Variants in ALDH9A1 observed in about 807,000 individuals in gnomAD.
ALDH9A1 encodes 4-trimethylaminobutyraldehyde dehydrogenase.
Under a neutral mutation model 56.6 loss-of-function variants are expected in ALDH9A1, and 42 were observed. The observed-to-expected ratio is 0.74, with a 90% confidence interval of 0.58 to 0.96. The LOEUF (loss-of-function observed/expected upper bound fraction) is 0.96. ALDH9A1 is among the 40% of genes least tolerant of loss of function. ALDH9A1 has a pLI of 0.00. For synonymous variants in ALDH9A1, 242 were observed against 236.0 expected (o/e 1.03, Z -0.23); for missense variants, 661 against 651.5 (o/e 1.01, Z -0.16).
chr1:165,679,299 C>T, intron 6 of ALDH9A1, 143 bp downstream of exon 6: 1 of 891,586 alleles, frequency 1.1e-6, no homozygotes, highest in Non-Finnish European at 1.7e-6. Flanking sequence ...AAATCTGGTT[C>T]AAAGGTACAT....
intron 8 of ALDH9A1, among the ~76,000 whole-genome samples, chr1:165,667,900 A>G (rs1649057004): frequency 6.6e-6 from 1 of 152,182 alleles, no homozygotes; most frequent in African/African-American, 2.4e-5. Flanking sequence ...TTCAACCTAC[A>G]TATAATTGTT....
rs747782664 is a variant in ALDH9A1, at chr1:165,680,564, C to A, written c.712G>T (p.Ala238Ser). The A allele has an allele frequency of 6.2e-7, 1 of 1,614,182 alleles. No homozygotes were observed. Residue 238 changes from alanine to serine, a missense_variant, in exon 5 of 11, where the codon GCC (alanine) becomes TCC (serine). By Grantham distance (99) the Ala-to-Ser change is moderately conservative. Coordinates refer to ENST00000354775, the MANE Select transcript of ALDH9A1 (RefSeq NM_000696.4). ...GLFNVVQGGA[A>S]TGQFLCQHPD... is the part of the protein sequence containing the mutation. The stretch of plus-strand genomic sequence containing the variant: ...TGCTGACACAGAAACTGGCCTGTGG[C>A]AGCCCCTCCCTGCACCACATTGAAG...
intron 6 of ALDH9A1, among the ~76,000 whole-genome samples, chr1:165,678,492 TAGA>T (rs1553243436): frequency 6.6e-6 from 1 of 152,064 alleles, no homozygotes; most frequent in Non-Finnish European, 1.5e-5. Context: ...TTTCTTACAG[TAGA>T]AGGTGAACAA....
At chr1:165,686,515 T>C (rs1649713218) in intron 2 of ALDH9A1, among the ~76,000 whole-genome samples, 1 of 106,440 alleles carries the variant, frequency 9.4e-6, no homozygotes, top group Non-Finnish European at 1.9e-5. Flanking sequence ...ATGTTTTTTT[T>C]TTTAAAAAAA....
chr1:165,665,113 T>A lies in ALDH9A1; in HGVS notation c.1367A>T (p.His456Leu), dbSNP rs1179217230. Residue 456 changes from histidine (H) to leucine (L), a missense_variant, in exon 10 of 11, where the codon CAT becomes CTT. Transcript: ENST00000354775. The part of the protein sequence containing the change: ...GVFTRDIQRA[H>L]RVVAELQAGT... ...AGCCTGAAGCTCAGCTACCACTCTA[T>A]GAGCCCGTTGGATGTCCCTATGAAG... The A allele has an allele frequency of 1.9e-6, 3 of 1,613,602 alleles. No individual in the cohort carries two copies. The highest frequency in any genetic ancestry group is 2.5e-6 in the Non-Finnish European group (3 of 1,179,822).
At chr1:165,692,234 G>GA (rs1047497739) in intron 2 of ALDH9A1, among the ~76,000 whole-genome samples, 3 of 152,104 alleles carry the variant, frequency 2.0e-5, no homozygotes, top group Non-Finnish European at 4.4e-5. Context: ...TCAGGCAGGA[G>GA]AAAAAAATAA....
intron 2 of ALDH9A1, among the ~76,000 whole-genome samples, chr1:165,689,601 C>A (rs1369805013): frequency 6.6e-6 from 1 of 152,180 alleles, no homozygotes; most frequent in African/African-American, 2.4e-5. Context: ...TGGTTCTCAT[C>A]CCATCCCCTC....
rs1050923147 is a variant in ALDH9A1, at chr1:165,695,284, G to A, written c.295C>T (p.Arg99Ter). The change falls in exon 2 of 11, where the codon CGA (arginine) becomes TGA (stop). Residue 99 changes from arginine (R) to a stop codon, truncating the protein, a stop_gained. Transcript: ENST00000354775. LOFTEE classifies it high-confidence loss of function. ...WSQKSGMERC[R>*]ILLEAARIIR... Reference sequence around the variant, plus strand: ...ATCCTGGCAGCCTCCAAAAGGATTCGGCAACGCTCCATGCCAGATTTTTGA... The same window carrying A: ...ATCCTGGCAGCCTCCAAAAGGATTCAGCAACGCTCCATGCCAGATTTTTGA... The A allele has an allele frequency of 6.8e-6, 11 of 1,611,340 alleles. No individual in the cohort carries two copies. Among genetic ancestry groups the A allele is most frequent in the African/African-American group, 1.3e-5 (1 of 74,660 alleles).
intron 6 of ALDH9A1, chr1:165,676,681 C>A: frequency 2.4e-6 from 1 of 419,518 alleles, no homozygotes; most frequent in South Asian, 2.2e-5. Context: ...TACCTGGTTT[C>A]AGCTGAAGCA....
chr1:165,697,896 G>C (rs1650141404), intron 1 of ALDH9A1, among the ~76,000 whole-genome samples: 1 of 152,074 alleles, frequency 6.6e-6, no homozygotes, highest in African/African-American at 2.4e-5. Context: ...GGACATGGTG[G>C]TGGGAGCCTG....
chr1:165,698,115 G>A (rs1388569822), intron 1 of ALDH9A1: 2 of 837,328 alleles, frequency 2.4e-6, no homozygotes, highest in Admixed American at 4.4e-5. Flanking sequence ...AGTACTTTGC[G>A]AACTCTGTTC....
chr1:165,670,604 T>C (rs181710559), intron 6 of ALDH9A1, among the ~76,000 whole-genome samples: 1 of 152,098 alleles, frequency 6.6e-6, no homozygotes, highest in African/African-American at 2.4e-5. Context: ...GCCAAGACCA[T>C]TAAAAAATTG....
chr1:165,680,867 G>A (rs116206043), intron 4 of ALDH9A1, among the ~76,000 whole-genome samples, 184 bp from the exon 5 acceptor site: 3,146 of 152,174 alleles, frequency 0.021, 104 homozygotes, highest in African/African-American at 0.072. Flanking sequence ...AGACATACCC[G>A]AAACTGGGAA....
chr1:165,695,286 CA>C lies in ALDH9A1; in HGVS notation c.292del (p.Cys98AlafsTer10), dbSNP rs768880374. The C allele has an allele frequency of 2.1e-5, 34 of 1,612,076 alleles. No individual in the cohort carries two copies. Among genetic ancestry groups the C allele is most frequent in the Non-Finnish European group, 2.7e-5 (32 of 1,179,298 alleles). Reference protein sequence around the residue: ...IWSQKSGMERCRILLEAARII... With the variant: ...IWSQKSGMERXRILLEAARII... ...CCTGGCAGCCTCCAAAAGGATTCGG[CA>C]ACGCTCCATGCCAGATTTTTGACTC... On this transcript the variant is annotated frameshift_variant, in exon 2 of 11. Transcript: ENST00000354775. LOFTEE classifies it high-confidence loss of function.
At chr1:165,696,521 TA>T (rs1650089189) in intron 1 of ALDH9A1, among the ~76,000 whole-genome samples, 1 of 152,252 alleles carries the variant, frequency 6.6e-6, no homozygotes, top group African/African-American at 2.4e-5. Context: ...ATATAGTTAA[TA>T]AGCAGTAATA....
At chr1:165,692,828 C>G (rs1316246699) in intron 2 of ALDH9A1, among the ~76,000 whole-genome samples, 1 of 152,044 alleles carries the variant, frequency 6.6e-6, no homozygotes, top group Non-Finnish European at 1.5e-5. Context: ...TACAAGGCTA[C>G]AGTAACCAAA....
intron 6 of ALDH9A1, among the ~76,000 whole-genome samples, chr1:165,678,241 G>A (rs933810250): frequency 3.3e-5 from 5 of 151,488 alleles, no homozygotes. Flanking sequence ...GGCTGAGGCG[G>A]GGGAATCGCT....
At chr1:165,689,625 A>C (rs988247950) in intron 2 of ALDH9A1, among the ~76,000 whole-genome samples, 1 of 152,124 alleles carries the variant, frequency 6.6e-6, no homozygotes, top group Non-Finnish European at 1.5e-5. Flanking sequence ...CACCGTGGTG[A>C]CCGGTGCTTT....
At chr1:165,664,393 C>G (rs1184701221) in intron 10 of ALDH9A1, among the ~76,000 whole-genome samples, 1 of 152,160 alleles carries the variant, frequency 6.6e-6, no homozygotes, top group Admixed American at 6.5e-5. Context: ...CCTGATGCCT[C>G]AAACCTTCTC....
Sources: gnomAD v4.1 joint callset for allele counts (sites outside exome capture counted in the v4.1 genomes callset) on GRCh38, gnomAD v4.1.1 for gene constraint, MANE v1.5 for transcripts, NCBI Gene and HGNC (gene_info 2026-07-23, HGNC 2026-07-21) for gene names.